Variants in VWA3B observed in about 807,000 individuals in gnomAD.
VWA3B encodes the protein von Willebrand factor A domain containing 3B.
In VWA3B, 138 loss-of-function variants were observed where a neutral mutation model predicts 158.3. The ratio of observed to expected loss-of-function variants is 0.87; its 90% CI spans 0.76 to 1.00. The LOEUF (loss-of-function observed/expected upper bound fraction) is 1.00. Ranked by LOEUF, VWA3B falls within the 50% of genes least tolerant of loss-of-function variation. VWA3B has a pLI of 0.00. For missense variants in VWA3B, 1,555 were observed against 1,565.1 expected, an observed-to-expected ratio of 0.99 and a Z score of 0.11; for synonymous variants, 596 against 587.3, an observed-to-expected ratio of 1.01 and a Z score of -0.21.
intron 20 of VWA3B, 126 bp downstream of exon 20, chr2:98,250,562 C>A: frequency 1.3e-6 from 1 of 785,816 alleles, no homozygotes; most frequent in Non-Finnish European, 2.0e-6. Context: ...ATTGTTCAGG[C>A]TGGGTGTGGT....
intron 8 of VWA3B, among the ~76,000 whole-genome samples, chr2:98,166,987 C>T (rs1363393820): frequency 6.6e-6 from 1 of 152,178 alleles, no homozygotes; most frequent in Non-Finnish European, 1.5e-5. Context: ...CGTGTCCGAC[C>T]TGCTCTCATT....
chr2:98,299,049 A>C (rs1302530830), intron 24 of VWA3B, among the ~76,000 whole-genome samples: 1 of 152,176 alleles, frequency 6.6e-6, no homozygotes, highest in African/African-American at 2.4e-5. Flanking sequence ...CGGCGTCAGG[A>C]GATGGGGTTT....
intron 12 of VWA3B, among the ~76,000 whole-genome samples, chr2:98,211,531 T>C (rs1430683069): frequency 6.6e-6 from 1 of 152,230 alleles, no homozygotes; most frequent in Non-Finnish European, 1.5e-5. Flanking sequence ...GTTTACCAAA[T>C]ATTGGGTATC....
chr2:98,195,375 A>G (rs1574048537), intron 12 of VWA3B, among the ~76,000 whole-genome samples: 1 of 152,234 alleles, frequency 6.6e-6, no homozygotes, highest in Admixed American at 6.5e-5. Flanking sequence ...TCACAAATAG[A>G]CATTAGCAGA....
chr2:98,109,201 A>G (rs568384150), intron 2 of VWA3B, among the ~76,000 whole-genome samples: 23 of 152,236 alleles, frequency 1.5e-4, no homozygotes, highest in African/African-American at 5.3e-4. Flanking sequence ...CATGTTGGTC[A>G]GGCTGGTCTT....
chr2:98,287,025 A>T (rs1197896577), intron 22 of VWA3B, among the ~76,000 whole-genome samples: 1 of 152,218 alleles, frequency 6.6e-6, no homozygotes, highest in Admixed American at 6.5e-5. Flanking sequence ...AGGAAGATTT[A>T]GCCTCCTTTA....
chr2:98,267,078 A>G (rs1177450167), intron 21 of VWA3B, among the ~76,000 whole-genome samples: 2 of 151,796 alleles, frequency 1.3e-5, no homozygotes, highest in African/African-American at 4.8e-5. Flanking sequence ...AACTTCCAAC[A>G]CTATGTTGAA....
intron 2 of VWA3B, among the ~76,000 whole-genome samples, chr2:98,101,689 G>T (rs1449020903): frequency 6.6e-6 from 1 of 152,118 alleles, no homozygotes; most frequent in Non-Finnish European, 1.5e-5. Flanking sequence ...CTCAGCCTGT[G>T]CTTTTTACAT....
At position 98,187,658 on chromosome 2, in the gene VWA3B, C is replaced by CTGTGTGTGTG. The variant is rs1389987333; in HGVS notation, c.1312-312_1312-311insGTGTGTGTGT. Among the ~76,000 whole-genome samples the CTGTGTGTGTG allele has an allele frequency of 1.4e-3, 150 of 109,908 alleles. 2 individuals carry two copies. The highest frequency in any genetic ancestry group is 5.4e-3 in the African/African-American group (145 of 26,688). 72.1% of individuals were successfully genotyped at this position (109,908 alleles called of 152,430 possible). On this transcript the variant is annotated intron_variant, in intron 9 of 27. Transcript: ENST00000477737. ...TCTCTCTCCCTCTCCCTCTCCGTCT[C>CTGTGTGTGTG]TGTGTCTGTGTGTGTGTGTGTGTGT...
chr2:98,270,838 C>G lies in VWA3B; in HGVS notation c.3000C>G (p.Leu1000=). Residue 1000 remains leucine, a synonymous_variant, in exon 22 of 28, where the codon CTC becomes CTG. Coordinates refer to ENST00000477737, the MANE Select transcript of VWA3B (RefSeq NM_144992.5). Reference sequence around the variant, plus strand: ...TGTACATCCAGCAGGCCATGGAACTCCAGGAGGCTGCCAAGAAGAATTATG... The same window carrying G: ...TGTACATCCAGCAGGCCATGGAACTGCAGGAGGCTGCCAAGAAGAATTATG... ...GKMYIQQAME[L]QEAAKKNYAN... 1 of 1,614,094 alleles carries G rather than the reference C, an allele frequency of 6.2e-7. No homozygotes were observed.
chr2:98,110,112 C>G (rs1422578196), intron 2 of VWA3B, among the ~76,000 whole-genome samples: 5 of 149,684 alleles, frequency 3.3e-5, no homozygotes, highest in East Asian at 1.9e-4. Context: ...TTCCCCCTAC[C>G]CTCTTTCTCT....
intron 26 of VWA3B, among the ~76,000 whole-genome samples, chr2:98,310,525 C>T: frequency 6.6e-6 from 1 of 152,124 alleles, no homozygotes. Flanking sequence ...AATCATGGAT[C>T]CTAACTCATG....
chr2:98,256,155 T>A lies in VWA3B; in HGVS notation c.2824T>A (p.Ser942Thr), dbSNP rs1308242156. 10 of 1,612,650 alleles carry A rather than the reference T, an allele frequency of 6.2e-6. No individual in the cohort carries two copies. The highest frequency in any genetic ancestry group is 8.5e-6 in the Non-Finnish European group (10 of 1,179,620). ...RLNKIVWRAL[S>T]QEEKEKLDAN... ...GAATAAAATTGTTTGGCGAGCATTATCTCAAGAGGAAAAAGAAAAGTAAGC... is the reference window on the plus strand; with the variant it reads ...GAATAAAATTGTTTGGCGAGCATTAACTCAAGAGGAAAAAGAAAAGTAAGC... Residue 942 changes from serine to threonine, a missense_variant, in exon 21 of 28, where the codon TCT becomes ACT. By Grantham distance (58) the Ser-to-Thr change is moderately conservative. Transcript: ENST00000477737.
chr2:98,206,226 A>C (rs1014037220), intron 12 of VWA3B: 1 of 154,034 alleles, frequency 6.5e-6, no homozygotes, highest in African/African-American at 2.4e-5. Flanking sequence ...CAGTGTTGCT[A>C]CTCCAAGCTC....
chr2:98,216,759 C>T (rs752664622), intron 13 of VWA3B: 1 of 478,570 alleles, frequency 2.1e-6, no homozygotes, highest in South Asian at 1.5e-5. Flanking sequence ...TTCCAGGGAA[C>T]ATCATCTCAT....
chr2:98,207,314 T>G, intron 12 of VWA3B: 1 of 488,520 alleles, frequency 2.0e-6, no homozygotes, highest in South Asian at 1.6e-5. Flanking sequence ...GTCACTGAGC[T>G]GGGCATCTAT....
chr2:98,120,182 A>G (rs1236792866), intron 4 of VWA3B, among the ~76,000 whole-genome samples: 1 of 152,078 alleles, frequency 6.6e-6, no homozygotes, highest in Non-Finnish European at 1.5e-5. Context: ...CTATAAGTTG[A>G]CCCCTTTCAC....
At chr2:98,144,287 T>G (rs573337316) in intron 7 of VWA3B, among the ~76,000 whole-genome samples, 141 of 152,280 alleles carry the variant, frequency 9.3e-4, no homozygotes, top group African/African-American at 3.1e-3. Flanking sequence ...ATAACCATCA[T>G]CATTTGCAGT....
chr2:98,092,912 C>T, intron 1 of VWA3B, 149 bp from the exon 2 acceptor site: 1 of 413,580 alleles, frequency 2.4e-6, no homozygotes, highest in Non-Finnish European at 4.2e-6. Flanking sequence ...TGACTGTCCT[C>T]TTTTCCACCA....
Sources: gnomAD v4.1 joint callset for allele counts (sites outside exome capture counted in the v4.1 genomes callset) on GRCh38, gnomAD v4.1.1 for gene constraint, MANE v1.5 for transcripts, NCBI Gene and HGNC (gene_info 2026-07-23, HGNC 2026-07-21) for gene names.